ASXL1: variants seen among roughly 807,000 people sequenced by gnomAD.
The protein encoded by ASXL1 is ASXL transcriptional regulator 1.
ASXL1 carries 65 observed loss-of-function variants against 89.1 expected under a neutral mutation model. The ratio of observed to expected loss-of-function variants is 0.73; its 90% confidence interval spans 0.60 to 0.90. The LOEUF (loss-of-function observed/expected upper bound fraction) is 0.90, where lower values mean the gene tolerates loss of function less well. Among genes scored for constraint, ASXL1 ranks in the 40% least tolerant of loss-of-function variants. ASXL1 has a pLI of 0.00. For missense variants in ASXL1, 1,786 were observed against 1,942.9 expected, an observed-to-expected ratio of 0.92 and a Z score of 1.52; for synonymous variants, 739 against 746.9, an observed-to-expected ratio of 0.99 and a Z score of 0.17.
intron 4 of ASXL1, among the ~76,000 whole-genome samples, chr20:32,379,541 C>CA (rs534400354): frequency 2.0e-3 from 296 of 151,472 alleles, no homozygotes; most frequent in African/African-American, 6.9e-3. Context: ...CATAAGATGT[C>CA]ACGGCCAGGC....
chr20:32,359,310 G>A (rs952135039), intron 1 of ASXL1: 1 of 702,466 alleles, frequency 1.4e-6, no homozygotes, highest in East Asian at 2.7e-5. Context: ...CCAATGGCAT[G>A]TTGAGCTTTC....
At chr20:32,379,608 CT>C (rs1208121037) in intron 4 of ASXL1, among the ~76,000 whole-genome samples, 2 of 150,984 alleles carry the variant, frequency 1.3e-5, no homozygotes, top group East Asian at 4.0e-4. Context: ...TGTGGATCAC[CT>C]GAGGTCAGGA....
At chr20:32,383,122 T>C (rs2048517455) in intron 4 of ASXL1, among the ~76,000 whole-genome samples, 2 of 152,192 alleles carry the variant, frequency 1.3e-5, no homozygotes, top group Non-Finnish European at 2.9e-5. Flanking sequence ...TTCTGACCTT[T>C]GGCCACTTCA....
chr20:32,367,077 T>TAAAAATAAAAAAA (rs2048217095), intron 2 of ASXL1, among the ~76,000 whole-genome samples: 1 of 134,888 alleles, frequency 7.4e-6, no homozygotes, highest in African/African-American at 2.7e-5. Context: ...ACTTCAAACT[T>TAAAAATAAAAAAA]AAAAAAAAAA....
chr20:32,380,150 C>T (rs1047730530), intron 4 of ASXL1, among the ~76,000 whole-genome samples: 3 of 151,698 alleles, frequency 2.0e-5, no homozygotes, highest in Non-Finnish European at 4.4e-5. Context: ...GGCGTGGTGG[C>T]GGCCGCCTGT....
At chr20:32,417,927 C>T (rs947144983) in intron 4 of ASXL1, among the ~76,000 whole-genome samples, 4 of 151,930 alleles carry the variant, frequency 2.6e-5, no homozygotes, top group African/African-American at 9.7e-5. Flanking sequence ...GTCAGTAATC[C>T]CAGCACTTTG....
chr20:32,434,914 G>T lies in ASXL1; in HGVS notation c.2202G>T (p.Arg734Ser). 1 of 1,614,178 alleles carries T rather than the reference G, an allele frequency of 6.2e-7. No homozygotes were observed. The highest frequency in any genetic ancestry group is 8.5e-7 in the Non-Finnish European group (1 of 1,180,018). ...LRKEESCLLQ[R>S]ATVGLTDGLG... Reference sequence around the variant, plus strand: ...AGGAGGAAAGCTGCCTACTACAGAGGGCTACAGTTGGACTCACAGATGGGC... The same window carrying T: ...AGGAGGAAAGCTGCCTACTACAGAGTGCTACAGTTGGACTCACAGATGGGC... Residue 734 changes from arginine (R) to serine (S), a missense_variant, in exon 13 of 13, where the codon AGG (arginine) becomes AGT (serine). Coordinates refer to ENST00000375687, the MANE Select transcript of ASXL1 (RefSeq NM_015338.6).
At position 32,434,542 on chromosome 20, in the gene ASXL1, C is replaced by T. The variant is rs199829982; in HGVS notation, c.1830C>T (p.Gly610=). Residue 610 remains glycine (G), a synonymous_variant, in exon 13 of 13, where the codon GGC becomes GGT. Transcript: ENST00000375687. Reference sequence around the variant, plus strand: ...AGTCCTCCTGCCGGGGTTGGACTGGCGCCAGGACCCTCGCAGACATTAAAG... The same window carrying T: ...AGTCCTCCTGCCGGGGTTGGACTGGTGCCAGGACCCTCGCAGACATTAAAG... ...TTESSCRGWT[G]ARTLADIKAR... 2.9e-5 allele frequency: 46 copies of T among 1,613,750 alleles called. No homozygotes were observed. The highest frequency in any genetic ancestry group is 3.1e-5 in the Non-Finnish European group (36 of 1,180,048).
At chr20:32,404,959 GCTTA>G (rs1405836235) in intron 4 of ASXL1, among the ~76,000 whole-genome samples, 2 of 151,988 alleles carry the variant, frequency 1.3e-5, no homozygotes, top group African/African-American at 4.8e-5. Context: ...CTTTTCATAT[GCTTA>G]CTGACCATTT....
intron 4 of ASXL1, among the ~76,000 whole-genome samples, chr20:32,381,347 G>T (rs1306592035): frequency 1.3e-5 from 2 of 151,918 alleles, no homozygotes; most frequent in Non-Finnish European, 2.9e-5. Context: ...TGGGACCACA[G>T]GTGTGTGTCA....
At chr20:32,365,852 T>C (rs905358861) in intron 1 of ASXL1, among the ~76,000 whole-genome samples, 10 of 152,092 alleles carry the variant, frequency 6.6e-5, no homozygotes. Context: ...TTTAAAAATA[T>C]GGGTACTTGG....
intron 4 of ASXL1, among the ~76,000 whole-genome samples, chr20:32,426,792 T>TC (rs1474224153): frequency 6.6e-6 from 1 of 151,874 alleles, no homozygotes; most frequent in Non-Finnish European, 1.5e-5. Context: ...TCTCCTGACC[T>TC]CGTGATCCAC....
At chr20:32,407,517 C>T (rs148687377) in intron 4 of ASXL1, among the ~76,000 whole-genome samples, 3 of 152,104 alleles carry the variant, frequency 2.0e-5, no homozygotes, top group Admixed American at 1.3e-4. Flanking sequence ...CGCTAGAGTG[C>T]GGTAGCACAG....
intron 10 of ASXL1, among the ~76,000 whole-genome samples, chr20:32,432,062 A>G (rs2011532939): frequency 6.6e-6 from 1 of 152,134 alleles, no homozygotes; most frequent in Non-Finnish European, 1.5e-5. Flanking sequence ...GTTAGCTTCT[A>G]TTAATTTAAT....
intron 3 of ASXL1, among the ~76,000 whole-genome samples, chr20:32,368,466 TC>T (rs1443665597): frequency 3.3e-5 from 5 of 152,120 alleles, no homozygotes; most frequent in Admixed American, 1.3e-4. Context: ...AAACTCAATC[TC>T]CCCACTTCCA....
chr20:32,421,511 A>T (rs1468967770), intron 4 of ASXL1, among the ~76,000 whole-genome samples: 4 of 151,504 alleles, frequency 2.6e-5, no homozygotes, highest in Admixed American at 2.0e-4. Context: ...CGGCATTTCT[A>T]CTCCTAGATA....
intron 4 of ASXL1, among the ~76,000 whole-genome samples, chr20:32,379,350 AATTT>A (rs1476987252): frequency 3.4e-4 from 49 of 145,132 alleles, no homozygotes; most frequent in South Asian, 6.6e-4. Context: ...ACGCCCAACT[AATTT>A]ATTTATTTAT....
At chr20:32,368,354 C>T (rs2048240226) in intron 3 of ASXL1, among the ~76,000 whole-genome samples, 1 of 152,058 alleles carries the variant, frequency 6.6e-6, no homozygotes, top group Non-Finnish European at 1.5e-5. Flanking sequence ...CTTAGTATGC[C>T]ATTGTTTCAG....
chr20:32,434,429 C>A lies in ASXL1; in HGVS notation c.1720-3C>A. 1 of 1,613,800 alleles carries A rather than the reference C, an allele frequency of 6.2e-7. No individual in the cohort carries two copies. The highest frequency in any genetic ancestry group is 8.5e-7 in the Non-Finnish European group (1 of 1,179,984). On this transcript the variant is annotated splice_region_variant and splice_polypyrimidine_tract_variant and intron_variant, in intron 12 of 12. Transcript: ENST00000375687. ...AAACTATTTTCTAATTCTTTTTTTGCAGATTCAACTTTCACGTATCAAACC... is the reference window on the plus strand; with the variant it reads ...AAACTATTTTCTAATTCTTTTTTTGAAGATTCAACTTTCACGTATCAAACC...
Sources: allele counts gnomAD v4.1 joint callset (sites outside exome capture counted in the v4.1 genomes callset), GRCh38; gene constraint gnomAD v4.1.1; transcripts MANE v1.5; gene names NCBI Gene and HGNC (gene_info 2026-07-23, HGNC 2026-07-21).